CCDC40: variants seen among roughly 807,000 people sequenced by gnomAD.
CCDC40 encodes the protein coiled-coil domain 40 molecular ruler complex subunit, also known as coiled-coil domain-containing protein 40.
Under a neutral mutation model 124.5 loss-of-function variants are expected in CCDC40, and 104 were observed. The ratio of observed to expected loss-of-function variants is 0.84; its 90% CI spans 0.71 to 0.98. The LOEUF (loss-of-function observed/expected upper bound fraction) is 0.98. Among genes scored for constraint, CCDC40 ranks in the 50% least tolerant of loss-of-function variants. The pLI, the probability that CCDC40 is intolerant of heterozygous loss-of-function variation, is 0.00. For missense variants in CCDC40, 1,463 were observed against 1,503.9 expected (o/e 0.97, Z 0.45); for synonymous variants, 580 against 602.9 (o/e 0.96, Z 0.56).
intron 10 of CCDC40, among the ~76,000 whole-genome samples, chr17:80,075,927 G>A (rs1236768318): frequency 6.6e-6 from 1 of 152,174 alleles, no homozygotes; most frequent in Non-Finnish European, 1.5e-5. Context: ...GTGGAAACAA[G>A]AACTAGAATG....
chr17:80,044,715 AAATAT>A (rs1568671648), intron 3 of CCDC40, among the ~76,000 whole-genome samples: 1 of 60,420 alleles, frequency 1.7e-5, no homozygotes, highest in Admixed American at 1.7e-4. Context: ...ACAAAAAAAA[AAATAT>A]ATATATATAT....
chr17:80,051,486 G>A (rs943712194), intron 7 of CCDC40, among the ~76,000 whole-genome samples: 12 of 151,074 alleles, frequency 7.9e-5, no homozygotes, highest in Non-Finnish European at 1.5e-4. Flanking sequence ...AAAATTAGCC[G>A]GGCGTAGTGG....
Position 80,099,763 on chromosome 17 carries a change from A to G in CCDC40, c.3417A>G (p.Pro1139=), listed in dbSNP as rs2304854. 737,701 of 1,612,434 alleles carry G rather than the reference A, an allele frequency of 0.46. 171,762 individuals carry two copies. Among genetic ancestry groups the G allele is most frequent in the African/African-American group, 0.61 (45,643 of 74,892 alleles). ...SQMIANKLES[P]GPS is the part of the protein sequence containing the mutation. Reference sequence around the variant, plus strand: ...TGATCGCCAACAAGCTCGAGTCACCAGGGCCCTCCTAGGGAGCAGCCTGGA... The same window carrying G: ...TGATCGCCAACAAGCTCGAGTCACCGGGGCCCTCCTAGGGAGCAGCCTGGA... The change falls in exon 20 of 20, where the codon CCA becomes CCG. Residue 1139 remains proline, a synonymous_variant. Transcript: ENST00000397545.
At chr17:80,096,342 G>A (rs4889958) in intron 18 of CCDC40, among the ~76,000 whole-genome samples, 109,294 of 151,928 alleles carry the variant, frequency 0.72, 39,625 homozygotes, top group Middle Eastern at 0.86. Context: ...GGAGAGTGCT[G>A]AAGTCATCCC....
chr17:80,062,115 GAAAT>G (rs1334749842), intron 9 of CCDC40, among the ~76,000 whole-genome samples: 1 of 150,620 alleles, frequency 6.6e-6, no homozygotes, highest in Non-Finnish European at 1.5e-5. Context: ...CGTCTCTAAA[GAAAT>G]AAATACAGTG....
At position 80,088,315 on chromosome 17, in the gene CCDC40, G is replaced by A. The variant is rs1306798260; in HGVS notation, c.2711+213G>A. On this transcript the variant is annotated intron_variant, in intron 16 of 19. Transcript: ENST00000397545. ...CCCACAGGCTGGAGTGCAGCCGTGC[G>A]ATCTCAGCTCACTGCAACCTCTGCC... 6.7e-5 allele frequency: 40 copies of A among 597,338 alleles called. 1 individual carries two copies. Among genetic ancestry groups the A allele is most frequent in the East Asian group, 6.0e-5 (2 of 33,520 alleles). The allele number at this position is 597,338 out of a possible 1,614,324, so 37.0% of individuals were successfully genotyped here.
chr17:80,061,481 G>A (rs902368087), intron 9 of CCDC40, among the ~76,000 whole-genome samples: 1 of 152,208 alleles, frequency 6.6e-6, no homozygotes, highest in Admixed American at 6.5e-5. Flanking sequence ...TAGTAAATCC[G>A]GGGTTGTGAA....
chr17:80,069,808 GA>G (rs869251411), intron 10 of CCDC40, among the ~76,000 whole-genome samples: 5 of 147,464 alleles, frequency 3.4e-5, no homozygotes, highest in African/African-American at 1.3e-4. Context: ...GAGAGAGAGA[GA>G]AAAAAAGAAA....
At chr17:80,081,325 C>A in intron 10 of CCDC40, 1 of 279,942 alleles carries the variant, frequency 3.6e-6, no homozygotes, top group Non-Finnish European at 6.9e-6. Context: ...GCGGAGGTTG[C>A]AGTGAACCGA....
intron 10 of CCDC40, among the ~76,000 whole-genome samples, chr17:80,075,756 GGCCTGAGCCACT>G (rs2038296742): frequency 6.6e-6 from 1 of 152,170 alleles, no homozygotes; most frequent in African/African-American, 2.4e-5. Context: ...TGAGATTACA[GGCCTGAGCCACT>G]GCGCCCGGCC....
chr17:80,061,846 A>C (rs78580050), intron 9 of CCDC40, among the ~76,000 whole-genome samples: 8,080 of 127,240 alleles, frequency 0.064, 706 homozygotes, highest in African/African-American at 0.22. Flanking sequence ...GATCATATGC[A>C]GCCACTCCCT....
rs58526201 is a variant in CCDC40 at position 80,096,972 on chromosome 17, C to T, written c.3022-273C>T. 0.35 allele frequency among the ~76,000 whole-genome samples: 52,843 copies of T among 152,056 alleles called. 10,031 individuals carry two copies. The highest frequency in any genetic ancestry group is 0.5 in the African/African-American group (20,824 of 41,468). On this transcript the variant is annotated intron_variant, in intron 18 of 19. Transcript: ENST00000397545. ...ACGGCTGCTGAACTGTGCCAGTCTC[C>T]TGCCTGGGGACAGACCCACTGCACG...
At chr17:80,044,716 A>ATATATATATAT (rs1396709278) in intron 3 of CCDC40, among the ~76,000 whole-genome samples, 1 of 131,754 alleles carries the variant, frequency 7.6e-6, no homozygotes, top group African/African-American at 3.3e-5. Context: ...CAAAAAAAAA[A>ATATATATATAT]ATATATATAT....
At chr17:80,094,764 A>T (rs1163911943) in intron 17 of CCDC40, among the ~76,000 whole-genome samples, 2 of 152,174 alleles carry the variant, frequency 1.3e-5, no homozygotes, top group African/African-American at 4.8e-5. Context: ...CACTGACGCC[A>T]TCAAGACATA....
intron 10 of CCDC40, among the ~76,000 whole-genome samples, chr17:80,071,022 A>G (rs563345586): frequency 6.6e-6 from 1 of 152,332 alleles, no homozygotes; most frequent in East Asian, 1.9e-4. Context: ...CAAAGACCGC[A>G]GCGGTCCAGG....
At chr17:80,051,780 A>G (rs1019899557) in intron 7 of CCDC40, among the ~76,000 whole-genome samples, 6 of 152,256 alleles carry the variant, frequency 3.9e-5, no homozygotes, top group African/African-American at 1.4e-4. Context: ...ACCCACCTGA[A>G]GGAGGACGCG....
At chr17:80,073,035 C>G (rs1470758338) in intron 10 of CCDC40, among the ~76,000 whole-genome samples, 1 of 151,396 alleles carries the variant, frequency 6.6e-6, no homozygotes, top group Non-Finnish European at 1.5e-5. Flanking sequence ...ATGAGTTTCA[C>G]TCTGTCACCC....
intron 4 of CCDC40, 90 bp downstream of exon 4, chr17:80,047,492 C>T (rs1044271598): frequency 9.4e-6 from 13 of 1,382,522 alleles, no homozygotes; most frequent in African/African-American, 2.9e-5. Flanking sequence ...GTTTGTCATC[C>T]GTTACCTGTT....
In CCDC40 at chr17:80,081,697, T is replaced by A. The variant is rs199786478; in HGVS notation, c.1714T>A (p.Cys572Ser). 6.2e-7 allele frequency: 1 copy of A among 1,614,164 alleles called. No individual in the cohort carries two copies. The highest frequency in any genetic ancestry group is 8.5e-7 in the Non-Finnish European group (1 of 1,180,042). Residue 572 changes from cysteine (C) to serine (S), a missense_variant, in exon 11 of 20, where the codon TGC becomes AGC. Cys to Ser is a moderately radical substitution (Grantham distance 112). Coordinates refer to ENST00000397545, the MANE Select transcript of CCDC40 (RefSeq NM_017950.4). ...ATLLQKLTTQ[C>S]LTKQVALQSQ... ...ACTGCTGCAGAAGCTCACCACCCAG[T>A]GCCTGACCAAGCAGGTGGCCCTGCA...
Sources: gnomAD v4.1 joint callset for allele counts (sites outside exome capture counted in the v4.1 genomes callset) on GRCh38, gnomAD v4.1.1 for gene constraint, MANE v1.5 for transcripts, NCBI Gene and HGNC (gene_info 2026-07-23, HGNC 2026-07-21) for gene names.